The following HEPHL1 variants were observed in gnomAD, a reference collection of about 807,000 sequenced individuals.
HEPHL1 encodes hephaestin like 1.
In HEPHL1, 123 loss-of-function variants were observed where a neutral mutation model predicts 122.0. The observed-to-expected ratio is 1.01, with a 90% CI of 0.87 to 1.17. The LOEUF (loss-of-function observed/expected upper bound fraction) is 1.17, where lower values mean the gene tolerates loss of function less well. HEPHL1 is among the 50% of genes most tolerant of loss of function. HEPHL1 has a pLI of 0.00. For missense variants in HEPHL1, 1,452 were observed against 1,430.5 expected, an observed-to-expected ratio of 1.01 and a Z score of -0.24; for synonymous variants, 527 against 508.9, an observed-to-expected ratio of 1.04 and a Z score of -0.48.
At chr11:94,046,091 C>CTTTTTTTTGTTTTTTTTTTT (rs1945834436) in intron 2 of HEPHL1, among the ~76,000 whole-genome samples, 174 bp downstream of exon 2, 2 of 65,046 alleles carry the variant, frequency 3.1e-5, no homozygotes, top group Non-Finnish European at 5.1e-5. Flanking sequence ...CCCTTTCTTG[C>CTTTTTTTTGTTTTTTTTTTT]TTTTTTTTTT....
intron 11 of HEPHL1, among the ~76,000 whole-genome samples, chr11:94,088,140 G>C (rs1210408267): frequency 6.6e-6 from 1 of 152,182 alleles, no homozygotes; most frequent in African/African-American, 2.4e-5. Flanking sequence ...AGGATTGTCA[G>C]TATTATGTAG....
chr11:94,087,103 C>T (rs1462886615), intron 11 of HEPHL1, among the ~76,000 whole-genome samples: 1 of 152,162 alleles, frequency 6.6e-6, no homozygotes, highest in Admixed American at 6.5e-5. Context: ...GCTCCATAGT[C>T]TTTTCTATGT....
Position 94,075,278 on chromosome 11 carries a change from AC to A in HEPHL1, c.1611del (p.Tyr538IlefsTer18). On this transcript the variant is annotated frameshift_variant, in exon 9 of 20. Coordinates refer to ENST00000315765, the MANE Select transcript of HEPHL1 (RefSeq NM_001098672.2). LOFTEE classifies it high-confidence loss of function. ...SPTAGDPPCL[T>X]YLYFSAVDPI... ...AACTGCTGGTGATCCTCCCTGTCTGACCTATCTTTACTTCTCAGCAGTTGAT... is the reference window on the plus strand; with the variant it reads ...AACTGCTGGTGATCCTCCCTGTCTGACTATCTTTACTTCTCAGCAGTTGAT... The A allele has an allele frequency of 1.9e-6, 3 of 1,613,518 alleles. No homozygotes were observed. The highest frequency in any genetic ancestry group is 1.7e-6 in the Non-Finnish European group (2 of 1,179,640).
intron 13 of HEPHL1, among the ~76,000 whole-genome samples, chr11:94,100,268 T>G (rs1462264013): frequency 6.6e-6 from 1 of 152,232 alleles, no homozygotes; most frequent in African/African-American, 2.4e-5. Context: ...ATGGCTTGAA[T>G]CAGCAAGGAA....
chr11:94,027,439 T>C (rs537909698), intron 1 of HEPHL1, among the ~76,000 whole-genome samples: 16 of 152,340 alleles, frequency 1.1e-4, no homozygotes, highest in South Asian at 4.1e-4. Context: ...ACGGGGTTCT[T>C]TGGAGAGCAG....
At chr11:94,061,082 CCTTT>C (rs1204744784) in intron 2 of HEPHL1, among the ~76,000 whole-genome samples, 1 of 152,072 alleles carries the variant, frequency 6.6e-6, no homozygotes, top group Non-Finnish European at 1.5e-5. Context: ...AAAAATGCTT[CCTTT>C]GTTTCTGGCT....
At chr11:94,099,925 G>A (rs1291177570) in intron 13 of HEPHL1, among the ~76,000 whole-genome samples, 1 of 152,116 alleles carries the variant, frequency 6.6e-6, no homozygotes, top group African/African-American at 2.4e-5. Context: ...GCTTCCCTTG[G>A]TCGGAAAGGG....
rs999486807 is a variant in HEPHL1 at position 94,111,819 on chromosome 11, C to T, written c.3405C>T (p.Leu1135=). The T allele has an allele frequency of 6.4e-7, 1 of 1,558,136 alleles. No individual in the cohort carries two copies. The highest frequency in any genetic ancestry group is 1.9e-5 in the Admixed American group (1 of 52,244). ...LLLITTVILS[L]RLCSAMKQTD... is the part of the protein sequence containing the mutation. ...TAATCACCACGGTGATTCTCTCCCT[C>T]AGACTCTGCTCTGCAATGAAGCAGA... Residue 1135 remains leucine (L), a synonymous_variant, in exon 20 of 20, where the codon CTC becomes CTT. Coordinates refer to ENST00000315765, the MANE Select transcript of HEPHL1 (RefSeq NM_001098672.2).
At chr11:94,095,598 G>A (rs1946304508) in intron 13 of HEPHL1, among the ~76,000 whole-genome samples, 1 of 152,046 alleles carries the variant, frequency 6.6e-6, no homozygotes, top group African/African-American at 2.4e-5. Context: ...TGGCAGTATG[G>A]CCATTGGGAA....
At chr11:94,100,405 A>C (rs1028520772) in intron 13 of HEPHL1, among the ~76,000 whole-genome samples, 1 of 152,174 alleles carries the variant, frequency 6.6e-6, no homozygotes, top group Non-Finnish European at 1.5e-5. Context: ...ACCATGAAGC[A>C]GTGCACAAGT....
Position 94,111,183 on chromosome 11 carries a change from G to C in HEPHL1, c.3208+118G>C. ...TCAACAAGCTCAGAGTCAAGTAAGA[G>C]AGACATATATGTAAATATGTAACTA... is the stretch of plus-strand genomic sequence containing the variant. On this transcript the variant is annotated intron_variant, in intron 18 of 19. Coordinates refer to ENST00000315765, the MANE Select transcript of HEPHL1 (RefSeq NM_001098672.2). The C allele has an allele frequency of 3.9e-6, 3 of 766,764 alleles. No individual in the cohort carries two copies. In the South Asian group the frequency reaches 5.6e-5, roughly 14 times the overall value. 47.5% of individuals were successfully genotyped at this position (766,764 alleles called of 1,614,324 possible).
chr11:94,067,069 G>A (rs1946040923), intron 4 of HEPHL1, among the ~76,000 whole-genome samples: 1 of 152,130 alleles, frequency 6.6e-6, no homozygotes, highest in African/African-American at 2.4e-5. Context: ...TTTTCTGCTA[G>A]GTCCTGATAA....
intron 1 of HEPHL1, among the ~76,000 whole-genome samples, chr11:94,044,014 A>G (rs1945811067): frequency 6.6e-6 from 1 of 151,938 alleles, no homozygotes; most frequent in South Asian, 2.1e-4. Context: ...CTTACCCCCA[A>G]AAGGGACACA....
Position 94,045,870 on chromosome 11 carries a change from C to T in HEPHL1, c.368C>T (p.Pro123Leu). 1 of 1,613,888 alleles carries T rather than the reference C, an allele frequency of 6.2e-7. No individual in the cohort carries two copies. Among genetic ancestry groups the T allele is most frequent in the African/African-American group, 1.3e-5 (1 of 75,026 alleles). Residue 123 changes from proline (P) to leucine (L), a missense_variant, in exon 2 of 20, where the codon CCT becomes CTT. By Grantham distance (98) the Pro-to-Leu change is moderately conservative. Coordinates refer to ENST00000315765, the MANE Select transcript of HEPHL1 (RefSeq NM_001098672.2). ...VIHLKNFASR[P>L]YSLHPHGVFY... ...CATTTAAAGAACTTTGCTTCTCGACCTTACTCTCTGCATCCACATGGCGTT... is the reference window on the plus strand; with the variant it reads ...CATTTAAAGAACTTTGCTTCTCGACTTTACTCTCTGCATCCACATGGCGTT...
intron 2 of HEPHL1, among the ~76,000 whole-genome samples, chr11:94,062,090 T>C (rs918999128): frequency 6.6e-6 from 1 of 152,108 alleles, no homozygotes; most frequent in Non-Finnish European, 1.5e-5. Context: ...TCATATTCTT[T>C]TTAGAATAAA....
intron 14 of HEPHL1, among the ~76,000 whole-genome samples, chr11:94,102,511 G>A (rs77962961): frequency 0.027 from 4,112 of 152,286 alleles, 201 homozygotes; most frequent in African/African-American, 0.094. Context: ...GGCCTGAGCA[G>A]CAAGGGCTTA....
intron 11 of HEPHL1, 79 bp downstream of exon 11, chr11:94,086,268 A>C: frequency 9.2e-7 from 1 of 1,082,004 alleles, no homozygotes; most frequent in Non-Finnish European, 1.4e-6. Context: ...CACAGAAGAA[A>C]TTGGTAGACT....
At chr11:94,094,013 TA>T (rs1357060385) in intron 13 of HEPHL1, among the ~76,000 whole-genome samples, 1 of 121,682 alleles carries the variant, frequency 8.2e-6, no homozygotes, top group Non-Finnish European at 1.6e-5. Context: ...TATATATATA[TA>T]AAACTTTAAG....
chr11:94,102,964 C>A lies in HEPHL1; in HGVS notation c.2626C>A (p.Pro876Thr), dbSNP rs1946379996. 1 of 1,610,114 alleles carries A rather than the reference C, an allele frequency of 6.2e-7. No homozygotes were observed. The highest frequency in any genetic ancestry group is 8.5e-7 in the Non-Finnish European group (1 of 1,176,554). ...WNIPKRSGPG[P>T]SDPNCIPWVY... ...TATCCCTAAAAGATCCGGTCCAGGG[C>A]CTTCTGATCCCAATTGTATTCCATG... Residue 876 changes from proline (P) to threonine (T), a missense_variant, in exon 15 of 20, where the codon CCT (proline) becomes ACT (threonine). Pro to Thr is a conservative substitution (Grantham distance 38). Transcript: ENST00000315765.
Sources: allele counts gnomAD v4.1 joint callset (sites outside exome capture counted in the v4.1 genomes callset), GRCh38; gene constraint gnomAD v4.1.1; transcripts MANE v1.5; gene names NCBI Gene and HGNC (gene_info 2026-07-23, HGNC 2026-07-21).